The following PIR variants were observed in gnomAD, a reference collection of about 807,000 sequenced individuals.
PIR encodes the protein pirin, also known as pirin (iron-binding nuclear protein).
PIR carries 22 observed loss-of-function variants against 24.2 expected under a neutral mutation model. The ratio of observed to expected loss-of-function variants is 0.91; its 90% CI spans 0.65 to 1.30. PIR has a LOEUF of 1.30. Among genes scored for constraint, PIR ranks in the 50% most tolerant of loss-of-function variants. PIR has a pLI of 0.00. For missense variants in PIR, 220 were observed against 220.3 expected (o/e 1.00, Z 0.01); for synonymous variants, 80 against 79.6 (o/e 1.00, Z -0.03).
At chrX:15,385,860 A>G (rs955893235) in intron 9 of PIR, among the ~76,000 whole-genome samples, 2 of 112,227 alleles carry the variant, frequency 1.8e-5, no homozygotes, top group African/African-American at 6.5e-5. Context: ...TAGCCCATCG[A>G]CCATAGTTTG....
chrX:15,402,327 T>C (rs1177616911), intron 7 of PIR, among the ~76,000 whole-genome samples: 1 of 112,163 alleles, frequency 8.9e-6, no homozygotes, highest in East Asian at 2.8e-4. Flanking sequence ...CATTAGATTA[T>C]TAGAGTTTCC....
At chrX:15,458,490 T>C (rs1921170230) in intron 4 of PIR, among the ~76,000 whole-genome samples, 1 of 110,520 alleles carries the variant, frequency 9.0e-6, no homozygotes, top group Non-Finnish European at 1.9e-5. Flanking sequence ...AAAAATAAAA[T>C]TAGCCAGGTG....
At chrX:15,407,813 C>T (rs1208684091) in intron 6 of PIR, among the ~76,000 whole-genome samples, 1 of 112,249 alleles carries the variant, frequency 8.9e-6, no homozygotes, top group East Asian at 2.8e-4. Flanking sequence ...GTACAGTGTA[C>T]AATTCACTTG....
intron 5 of PIR, chrX:15,429,404 A>G (rs1229865729): frequency 2.7e-5 from 3 of 112,365 alleles, no homozygotes; most frequent in Non-Finnish European, 5.6e-5. Flanking sequence ...CATTTTGCAG[A>G]TGTTTTTCAC....
chrX:15,390,246 G>A lies in PIR; in HGVS notation c.699C>T (p.Pro233=), dbSNP rs374077432. 5.4e-6 allele frequency: 6 copies of A among 1,116,254 alleles called. No homozygotes were observed. Among genetic ancestry groups the A allele is most frequent in the Non-Finnish European group, 7.3e-6 (6 of 820,668 alleles). 92.0% of individuals were successfully genotyped at this position (1,116,254 alleles called of 1,213,427 possible). A position where few individuals can be genotyped will look rare whatever the true frequency, so the allele number is the denominator to read the frequency against. The change falls in exon 9 of 10, where the codon CCC becomes CCT. Residue 233 remains proline (P), a synonymous_variant. Transcript: ENST00000380420. ...GDSVQVENKD[P]KRSHFVLIAG... Reference sequence around the variant, plus strand: ...CAATTAAGACAAAGTGGCTTCTCTTGGGATCCTAAAGTTAACAAAGAAAAC... The same window carrying A: ...CAATTAAGACAAAGTGGCTTCTCTTAGGATCCTAAAGTTAACAAAGAAAAC...
At position 15,384,870 on chromosome X, in the gene PIR, C is replaced by G. The variant is rs1923683591; in HGVS notation, c.*134G>C. ...ATCCTACATTTATTGTTACAAAAAC[C>G]ATGTTATCACGTTAGTGTGGAATTC... On this transcript the variant is annotated 3_prime_UTR_variant, in exon 10 of 10. Transcript: ENST00000380420. The G allele has an allele frequency of 2.8e-6, 1 of 360,177 alleles. No individual in the cohort carries two copies. 29.7% of individuals were successfully genotyped at this position (360,177 alleles called of 1,213,427 possible). A position where few individuals can be genotyped will look rare whatever the true frequency, so the allele number is the denominator to read the frequency against.
At chrX:15,419,623 T>TGGTA (rs1925050888) in intron 6 of PIR, among the ~76,000 whole-genome samples, 1 of 111,452 alleles carries the variant, frequency 9.0e-6, no homozygotes, top group Admixed American at 9.6e-5. Context: ...AGGCCGGGTG[T>TGGTA]GGTAGTTCAT....
At chrX:15,398,519 C>A (rs754443876) in intron 7 of PIR, among the ~76,000 whole-genome samples, 3 of 110,875 alleles carry the variant, frequency 2.7e-5, no homozygotes, top group Admixed American at 9.6e-5. Flanking sequence ...AAAGGGCATT[C>A]TAGACAAGAG....
Position 15,431,315 on chromosome X carries a change from T to C in PIR, c.481-5325A>G, listed in dbSNP as rs769444942. Among the ~76,000 whole-genome samples, 88 of 112,081 alleles carry C rather than the reference T, an allele frequency of 7.9e-4. 1 individual carries two copies. Among genetic ancestry groups the C allele is most frequent in the Non-Finnish European group, 1.4e-3 (76 of 53,198 alleles). On this transcript the variant is annotated intron_variant, in intron 5 of 9. Coordinates refer to ENST00000380420, the MANE Select transcript of PIR (RefSeq NM_001018109.3). Reference sequence around the variant, plus strand: ...AACTTTCGACGAATCTCTTTGCACATAAATCTTTGATTACATTTCTATTTT... The same window carrying C: ...AACTTTCGACGAATCTCTTTGCACACAAATCTTTGATTACATTTCTATTTT...
chrX:15,484,552 TG>T (rs1922706358), intron 2 of PIR, among the ~76,000 whole-genome samples: 1 of 110,278 alleles, frequency 9.1e-6, no homozygotes, highest in Non-Finnish European at 1.9e-5. Flanking sequence ...TGAGCTCAAG[TG>T]ATCCACCCAC....
At chrX:15,436,308 T>C (rs776732514) in intron 5 of PIR, among the ~76,000 whole-genome samples, 2 of 110,856 alleles carry the variant, frequency 1.8e-5, no homozygotes, top group Non-Finnish European at 3.8e-5. Flanking sequence ...ATGGGAAGAG[T>C]AGTGAGGAAA....
In PIR at chrX:15,425,922, G is replaced by A. The variant is rs779589221; in HGVS notation, c.549C>T (p.Ser183=). ...CCATCATACCTTTAGGGATAGGTTGGGAATGTTTGGCTCCTGGGTCCAATT... is the reference window on the plus strand; with the variant it reads ...CCATCATACCTTTAGGGATAGGTTGAGAATGTTTGGCTCCTGGGTCCAATT... The part of the protein sequence containing the change: ...DFKLDPGAKH[S]QPIPKGWTSF... Residue 183 remains serine, a synonymous_variant, in exon 6 of 10, where the codon TCC becomes TCT. Transcript: ENST00000380420. 6.8e-6 allele frequency: 8 copies of A among 1,169,796 alleles called. No individual in the cohort carries two copies. Among genetic ancestry groups the A allele is most frequent in the Non-Finnish European group, 9.3e-6 (8 of 859,225 alleles).
intron 3 of PIR, among the ~76,000 whole-genome samples, chrX:15,468,899 T>C (rs1350075143): frequency 8.9e-6 from 1 of 112,392 alleles, no homozygotes; most frequent in African/African-American, 3.2e-5. Context: ...CTCAGAACAT[T>C]TGCCAAGACT....
chrX:15,471,730 T>C (rs5935984), intron 3 of PIR, among the ~76,000 whole-genome samples: 28,270 of 111,292 alleles, frequency 0.25, 2,808 homozygotes, highest in East Asian at 0.51. Flanking sequence ...TTAGAAGGGA[T>C]AGCTTCTGCC....
chrX:15,396,120 G>A (rs1924125953), intron 8 of PIR, among the ~76,000 whole-genome samples: 1 of 112,230 alleles, frequency 8.9e-6, no homozygotes, highest in Non-Finnish European at 1.9e-5. Flanking sequence ...AGTAGGTTCT[G>A]GCCTATGTGT....
At chrX:15,462,726 A>G (rs1480276735) in intron 3 of PIR, among the ~76,000 whole-genome samples, 13 of 112,396 alleles carry the variant, frequency 1.2e-4, no homozygotes, top group Admixed American at 1.0e-3. Context: ...AATGGTTATT[A>G]TTTTGCCCTA....
At chrX:15,488,105 C>T (rs1454836337) in intron 2 of PIR, among the ~76,000 whole-genome samples, 1 of 108,354 alleles carries the variant, frequency 9.2e-6, no homozygotes, top group African/African-American at 3.4e-5. Flanking sequence ...ATGGAGAAAC[C>T]CCGTCTCTAC....
At chrX:15,449,053 C>T (rs917942903) in intron 5 of PIR, among the ~76,000 whole-genome samples, 6 of 111,212 alleles carry the variant, frequency 5.4e-5, no homozygotes, top group African/African-American at 6.6e-5. Context: ...AAATGCCGTC[C>T]GCCCAAAAAT....
At chrX:15,483,174 T>TATATATATATATATATATATATAG (rs955424390) in intron 2 of PIR, among the ~76,000 whole-genome samples, 10,996 of 97,872 alleles carry the variant, frequency 0.11, 677 homozygotes, top group Admixed American at 0.15. Context: ...CATATATATA[T>TATATATATATATATATATATATAG]AAATTCAACA....
Sources: allele counts gnomAD v4.1 joint callset (sites outside exome capture counted in the v4.1 genomes callset), GRCh38; gene constraint gnomAD v4.1.1; transcripts MANE v1.5; gene names NCBI Gene and HGNC (gene_info 2026-07-23, HGNC 2026-07-21).